BTRC: variants seen among roughly 807,000 people sequenced by gnomAD.
The protein encoded by BTRC is beta-transducin repeat containing E3 ubiquitin protein ligase.
BTRC carries 42 observed loss-of-function variants against 85.5 expected under a neutral mutation model. That is an observed-to-expected ratio of 0.49 (90% CI 0.38 to 0.64). The LOEUF (loss-of-function observed/expected upper bound fraction) is 0.64, where lower values mean the gene tolerates loss of function less well. BTRC is among the 30% of genes least tolerant of loss of function. The probability of loss-of-function intolerance (pLI) is 0.00; values close to 1 mark genes in which losing one functional copy is unlikely to be tolerated. For synonymous variants in BTRC, 255 were observed against 263.3 expected (o/e 0.97, Z 0.30); for missense variants, 594 against 743.5 (o/e 0.80, Z 2.34).
chr10:101,435,569 A>G (rs1185095119), intron 2 of BTRC, among the ~76,000 whole-genome samples: 4 of 152,230 alleles, frequency 2.6e-5, no homozygotes, highest in Admixed American at 6.5e-5. Flanking sequence ...ATATTAGTAC[A>G]CCACAATTTG....
intron 4 of BTRC, among the ~76,000 whole-genome samples, chr10:101,496,420 A>G (rs1946262215): frequency 3.9e-5 from 6 of 151,952 alleles, no homozygotes; most frequent in Admixed American, 1.3e-4. Context: ...ATTTTGTTTT[A>G]AGTTTTTATT....
At chr10:101,505,627 TAA>T (rs201503713) in intron 4 of BTRC, among the ~76,000 whole-genome samples, 5 of 115,390 alleles carry the variant, frequency 4.3e-5, no homozygotes, top group Admixed American at 8.7e-5. Context: ...CTCAAAAAAA[TAA>T]AAAAAAAAAA....
Position 101,479,417 on chromosome 10 carries a change from T to C in BTRC, c.284T>C (p.Leu95Ser), listed in dbSNP as rs202081619. The change falls in exon 4 of 15, where the codon TTA becomes TCA. Residue 95 changes from leucine to serine, a missense_variant. Coordinates refer to ENST00000370187, the MANE Select transcript of BTRC (RefSeq NM_033637.4). ...RLCLNQETVC[L>S]ASTAMKTENC... ...TGCTTAAACCAAGAAACAGTATGTTTAGCAAGCACTGCTATGAAGACTGAG... is the reference window on the plus strand; with the variant it reads ...TGCTTAAACCAAGAAACAGTATGTTCAGCAAGCACTGCTATGAAGACTGAG... The C allele has an allele frequency of 2.1e-4, 338 of 1,613,470 alleles. No homozygotes were observed. The East Asian group carries it at 7.3e-3, about 35-fold the overall frequency.
chr10:101,555,138 G>C lies in BTRC; in HGVS notation c.*2015G>C, dbSNP rs1162000314. 2 of 152,594 alleles carry C rather than the reference G, an allele frequency of 1.3e-5. No individual in the cohort carries two copies. The highest frequency in any genetic ancestry group is 4.8e-5 in the African/African-American group (2 of 41,444). The allele number at this position is 152,594 out of a possible 1,614,324, so 9.5% of individuals were successfully genotyped here. A position where few individuals can be genotyped will look rare whatever the true frequency, so the allele number is the denominator to read the frequency against. On this transcript the variant is annotated 3_prime_UTR_variant, in exon 15 of 15. Coordinates refer to ENST00000370187, the MANE Select transcript of BTRC (RefSeq NM_033637.4). The stretch of plus-strand genomic sequence containing the variant: ...TTGTGTTGACTATTAATGGCTTTTT[G>C]ATTGGGTAAGGATTTTGCTATAGAT...
intron 1 of BTRC, among the ~76,000 whole-genome samples, chr10:101,389,115 G>GTT (rs1471017781): frequency 0.014 from 491 of 35,434 alleles, 75 homozygotes; most frequent in Middle Eastern, 0.058. Flanking sequence ...GATTTTTTGT[G>GTT]TGTGTTTTTT....
chr10:101,551,590 A>G (rs1449529238), intron 14 of BTRC, among the ~76,000 whole-genome samples: 1 of 152,154 alleles, frequency 6.6e-6, no homozygotes, highest in Non-Finnish European at 1.5e-5. Context: ...GGTTGTTACC[A>G]GTTTGAGAAG....
intron 2 of BTRC, among the ~76,000 whole-genome samples, chr10:101,433,967 T>A (rs927830439): frequency 2.9e-4 from 44 of 152,204 alleles, no homozygotes; most frequent in African/African-American, 1.0e-3. Context: ...GAAAAAAAAA[T>A]TAAATATTCT....
intron 1 of BTRC, among the ~76,000 whole-genome samples, chr10:101,428,720 G>A (rs956677292): frequency 6.6e-6 from 1 of 152,128 alleles, no homozygotes; most frequent in African/African-American, 2.4e-5. Flanking sequence ...TATAAAATGA[G>A]GATAATGTAT....
chr10:101,518,865 GTTTT>G (rs575044203), intron 4 of BTRC, among the ~76,000 whole-genome samples: 1 of 151,964 alleles, frequency 6.6e-6, no homozygotes, highest in Non-Finnish European at 1.5e-5. Context: ...AATCCTATTA[GTTTT>G]TTGTTAATTG....
At chr10:101,527,448 G>A (rs889605736) in intron 6 of BTRC, among the ~76,000 whole-genome samples, 2 of 152,116 alleles carry the variant, frequency 1.3e-5, no homozygotes, top group Non-Finnish European at 2.9e-5. Context: ...CAATTTTTAG[G>A]CTGTGTAACA....
At chr10:101,392,041 G>A (rs1017467580) in intron 1 of BTRC, among the ~76,000 whole-genome samples, 7 of 152,144 alleles carry the variant, frequency 4.6e-5, no homozygotes, top group Admixed American at 1.3e-4. Flanking sequence ...GTGCAGTGCC[G>A]CTATCTCAGC....
At chr10:101,532,784 G>GTGCA (rs2062312638) in intron 8 of BTRC, among the ~76,000 whole-genome samples, 168 bp from the exon 9 acceptor site, 1 of 145,766 alleles carries the variant, frequency 6.9e-6, no homozygotes, top group South Asian at 2.2e-4. Context: ...GTGTGTGTGT[G>GTGCA]TGTGTGCGCG....
chr10:101,532,789 T>TGC lies in BTRC; in HGVS notation c.979-159_979-158dup, dbSNP rs1554895662. Among the ~76,000 whole-genome samples the TGC allele has an allele frequency of 9.8e-4, 77 of 78,236 alleles. 1 individual carries two copies. The highest frequency in any genetic ancestry group is 7.2e-3 in the South Asian group (14 of 1,932). The allele number at this position is 78,236 out of a possible 152,430, so 51.3% of individuals were successfully genotyped here. On this transcript the variant is annotated intron_variant, in intron 8 of 14. Coordinates refer to ENST00000370187, the MANE Select transcript of BTRC (RefSeq NM_033637.4). ...GTGTGTGTGTGTGTGTGTGTGTGTG[T>TGC]GCGCGTGTGCGCGCGCGCGCGCTTA...
intron 13 of BTRC, among the ~76,000 whole-genome samples, chr10:101,545,503 C>G (rs2062544840): frequency 6.6e-6 from 1 of 152,112 alleles, no homozygotes; most frequent in South Asian, 2.1e-4. Context: ...TAGGAGCTTT[C>G]AAGAGGTAAA....
rs1196725863 is a variant in BTRC, at chr10:101,406,199, T to A, written c.49-24146T>A. On this transcript the variant is annotated intron_variant, in intron 1 of 14. Transcript: ENST00000370187. ...CTTATACTTTTTTTTTTTTTTGAGA[T>A]GGAGTCTCGCTCTGTCTCCCAGGCT... Among the ~76,000 whole-genome samples the A allele has an allele frequency of 2.0e-5, 3 of 151,586 alleles. No homozygotes were observed. In the East Asian group the frequency reaches 5.8e-4, roughly 29 times the overall value.
chr10:101,450,423 C>T (rs1944930117), intron 2 of BTRC, among the ~76,000 whole-genome samples: 1 of 152,142 alleles, frequency 6.6e-6, no homozygotes, highest in South Asian at 2.1e-4. Context: ...CTCATTCATG[C>T]CCTTGCCTTG....
chr10:101,411,329 T>C (rs1330461034), intron 1 of BTRC, among the ~76,000 whole-genome samples: 1 of 152,154 alleles, frequency 6.6e-6, no homozygotes, highest in African/African-American at 2.4e-5. Context: ...TATGGGTTGG[T>C]CTATTATCAT....
intron 4 of BTRC, among the ~76,000 whole-genome samples, chr10:101,512,812 G>A (rs892573605): frequency 2.0e-5 from 3 of 152,182 alleles, no homozygotes; most frequent in Non-Finnish European, 4.4e-5. Flanking sequence ...CTTGTCACCT[G>A]ACAGCTTCTT....
Position 101,423,561 on chromosome 10 carries a change from T to C in BTRC, c.49-6784T>C, listed in dbSNP as rs189810133. On this transcript the variant is annotated intron_variant, in intron 1 of 14. Coordinates refer to ENST00000370187, the MANE Select transcript of BTRC (RefSeq NM_033637.4). ...TAGTTTATCTCCTTGAAATAGAGTGTAAACTACTTGAGTCTGTGGATTTGT... is the reference window on the plus strand; with the variant it reads ...TAGTTTATCTCCTTGAAATAGAGTGCAAACTACTTGAGTCTGTGGATTTGT... Among the ~76,000 whole-genome samples the C allele has an allele frequency of 1.4e-3, 214 of 152,356 alleles. 1 individual carries two copies. The highest frequency in any genetic ancestry group is 5.0e-3 in the African/African-American group (210 of 41,592).
Sources: gnomAD v4.1 joint callset for allele counts (sites outside exome capture counted in the v4.1 genomes callset) on GRCh38, gnomAD v4.1.1 for gene constraint, MANE v1.5 for transcripts, NCBI Gene and HGNC (gene_info 2026-07-23, HGNC 2026-07-21) for gene names.